The following SLC36A1 variants were observed in gnomAD, a reference collection of about 807,000 sequenced individuals.
The protein encoded by SLC36A1 is proton-coupled amino acid transporter 1.
In SLC36A1, 30 loss-of-function variants were observed where a neutral mutation model predicts 47.5. That is an observed-to-expected ratio of 0.63 (90% confidence interval 0.47 to 0.86). The LOEUF (loss-of-function observed/expected upper bound fraction) is 0.86, where lower values mean the gene tolerates loss of function less well. Among genes scored for constraint, SLC36A1 ranks in the 40% least tolerant of loss-of-function variants. The probability of loss-of-function intolerance (pLI) is 0.00; values close to 1 mark genes in which losing one functional copy is unlikely to be tolerated. For missense variants in SLC36A1, 517 were observed against 606.0 expected (o/e 0.85, Z 1.54); for synonymous variants, 255 against 249.7 (o/e 1.02, Z -0.20).
At chr5:151,377,370 A>T in the SLC36A1 span, among the ~76,000 whole-genome samples, 1 of 95,348 alleles carries the variant, frequency 1.0e-5, no homozygotes. Context: ...TTTTTTTGAG[A>T]CGGAGTTTCG....
chr5:151,440,104 T>C (rs1044492850), intron 1 of SLC36A1, among the ~76,000 whole-genome samples: 1 of 152,178 alleles, frequency 6.6e-6, no homozygotes, highest in Non-Finnish European at 1.5e-5. Context: ...CATTGCTCTC[T>C]GTATAGTGAC....
the SLC36A1 span, among the ~76,000 whole-genome samples, chr5:151,519,074 T>C: frequency 6.6e-6 from 1 of 152,228 alleles, no homozygotes; most frequent in Non-Finnish European, 1.5e-5. Flanking sequence ...CTGGACGCAG[T>C]GGCTCACACC....
chr5:151,499,864 G>T, the SLC36A1 span, among the ~76,000 whole-genome samples: 1 of 152,180 alleles, frequency 6.6e-6, no homozygotes, highest in Non-Finnish European at 1.5e-5. Context: ...GCAAGGCCTT[G>T]TCTGGCTCCT....
At chr5:151,482,573 T>C (rs1758942255) in intron 10 of SLC36A1, among the ~76,000 whole-genome samples, 1 of 152,232 alleles carries the variant, frequency 6.6e-6, no homozygotes, top group East Asian at 1.9e-4. Flanking sequence ...GTAAAAATAG[T>C]TGCAATTGTA....
downstream of SLC36A1, among the ~76,000 whole-genome samples, chr5:151,493,618 A>G (rs1431426076): frequency 6.6e-6 from 1 of 152,234 alleles, no homozygotes; most frequent in Admixed American, 6.5e-5. Context: ...GAAGGTGGGC[A>G]TGTAGTCTGA....
At chr5:151,463,702 T>C (rs1291019188) in intron 3 of SLC36A1, 59 bp downstream of exon 3, 34 of 1,326,304 alleles carry the variant, frequency 2.6e-5, no homozygotes, top group Non-Finnish European at 3.2e-5. Flanking sequence ...AGCTTTTTGT[T>C]GTTGTTAAAA....
Position 151,467,887 on chromosome 5 carries a change from C to A in SLC36A1, c.685C>A (p.Leu229Met). The change falls in exon 7 of 11, where the codon CTG becomes ATG. Residue 229 changes from leucine (L) to methionine (M), a missense_variant. Transcript: ENST00000243389. Reference sequence around the variant, plus strand: ...CTCCCTGTTGGCCAACATCACCATGCTGGTCAGCTTGGTCATGATCTACCA... The same window carrying A: ...CTCCCTGTTGGCCAACATCACCATGATGGTCAGCTTGGTCATGATCTACCA... ...IFSLLANITM[L>M]VSLVMIYQFI... The A allele has an allele frequency of 1.2e-6, 2 of 1,613,896 alleles. No individual in the cohort carries two copies. Among genetic ancestry groups the A allele is most frequent in the Non-Finnish European group, 1.7e-6 (2 of 1,179,986 alleles).
intron 7 of SLC36A1, among the ~76,000 whole-genome samples, chr5:151,471,310 G>A (rs1337385482): frequency 6.6e-6 from 1 of 152,190 alleles, no homozygotes; most frequent in African/African-American, 2.4e-5. Flanking sequence ...ATAACGAGCT[G>A]ATTTTAACAT....
chr5:151,398,225 T>C, the SLC36A1 span, among the ~76,000 whole-genome samples: 1 of 152,312 alleles, frequency 6.6e-6, no homozygotes, highest in East Asian at 1.9e-4. Context: ...TAGCTTTGCG[T>C]CCCATGGGTA....
At chr5:151,350,719 T>G in the SLC36A1 span, among the ~76,000 whole-genome samples, 1 of 152,158 alleles carries the variant, frequency 6.6e-6, no homozygotes, top group Non-Finnish European at 1.5e-5. Context: ...GTGGCTTTTT[T>G]GAAACAGAGT....
At chr5:151,448,089 C>T (rs1014336039) in intron 1 of SLC36A1, among the ~76,000 whole-genome samples, 4 of 152,220 alleles carry the variant, frequency 2.6e-5, no homozygotes, top group African/African-American at 9.6e-5. Flanking sequence ...CAGCAAATGT[C>T]TTGCCCGCTG....
At chr5:151,416,915 A>G in the SLC36A1 span, among the ~76,000 whole-genome samples, 1 of 152,192 alleles carries the variant, frequency 6.6e-6, no homozygotes, top group Non-Finnish European at 1.5e-5. Flanking sequence ...AGTTCTCATG[A>G]GATCCTATGG....
At chr5:151,352,401 G>T in the SLC36A1 span, among the ~76,000 whole-genome samples, 1 of 152,178 alleles carries the variant, frequency 6.6e-6, no homozygotes, top group African/African-American at 2.4e-5. Context: ...TTCAATGAAT[G>T]AATGTGTTAT....
At chr5:151,433,252 ATATATATATATATATTTT>A (rs1759524843), upstream of SLC36A1, among the ~76,000 whole-genome samples, 1 of 13,840 alleles carries the variant, frequency 7.2e-5, no homozygotes, top group African/African-American at 3.0e-4. Flanking sequence ...ATATATATAT[ATATATATATATATATTTT>A]TTTTTTTTTT....
the SLC36A1 span, chr5:151,505,972 C>A: frequency 6.4e-7 from 1 of 1,572,422 alleles, no homozygotes; most frequent in South Asian, 1.2e-5. Flanking sequence ...TCTGGCATCA[C>A]GACTGGGGTT....
chr5:151,483,889 A>G (rs569455550), intron 10 of SLC36A1, among the ~76,000 whole-genome samples: 132 of 152,324 alleles, frequency 8.7e-4, no homozygotes, highest in African/African-American at 3.1e-3. Context: ...TAGGACAGGA[A>G]GAAGGACTTC....
At chr5:151,396,444 C>T in the SLC36A1 span, among the ~76,000 whole-genome samples, 30 of 152,178 alleles carry the variant, frequency 2.0e-4, no homozygotes, top group South Asian at 2.5e-3. Context: ...ACTCAGAAAG[C>T]GAAATCCAAG....
the SLC36A1 span, among the ~76,000 whole-genome samples, chr5:151,425,648 C>G: frequency 6.6e-6 from 1 of 151,832 alleles, no homozygotes; most frequent in African/African-American, 2.4e-5. Context: ...ATGACTGAAA[C>G]AAAAATAAAA....
the SLC36A1 span, among the ~76,000 whole-genome samples, chr5:151,429,066 T>C: frequency 6.6e-6 from 1 of 152,212 alleles, no homozygotes; most frequent in African/African-American, 2.4e-5. Context: ...CACAGGATTG[T>C]AGGGAGAAAT....
Sources: gnomAD v4.1 joint callset for allele counts (sites outside exome capture counted in the v4.1 genomes callset) on GRCh38, gnomAD v4.1.1 for gene constraint, MANE v1.5 for transcripts, NCBI Gene and HGNC (gene_info 2026-07-23, HGNC 2026-07-21) for gene names.